PCNX2: variants seen among roughly 807,000 people sequenced by gnomAD.
PCNX2 encodes pecanex-like protein 2.
PCNX2 carries 168 observed loss-of-function variants against 223.8 expected under a neutral mutation model. That is an observed-to-expected ratio of 0.75 (90% CI 0.66 to 0.85). PCNX2 has a LOEUF of 0.85. PCNX2 is among the 40% of genes least tolerant of loss of function. The pLI is 0.00. For synonymous variants in PCNX2, 1,006 were observed against 1,052.6 expected (o/e 0.96, Z 0.86); for missense variants, 2,507 against 2,675.5 (o/e 0.94, Z 1.39).
At position 233,258,249 on chromosome 1, in the gene PCNX2, T is replaced by C. The variant is rs755772129; in HGVS notation, c.1613A>G (p.Asp538Gly). ...TGCAGAACTTTTACTCAAGAAGACA[T>C]CTGTCCCACTGTCCACACTGAGCAC... Reference protein sequence around the residue: ...ARVLSVDSGTDVFLSKSSAEI... With the variant: ...ARVLSVDSGTGVFLSKSSAEI... Residue 538 changes from aspartate to glycine, a missense_variant, in exon 5 of 34, where the codon GAT (aspartate) becomes GGT (glycine). Transcript: ENST00000258229. 6.2e-7 allele frequency: 1 copy of C among 1,614,002 alleles called. No homozygotes were observed. Among genetic ancestry groups the C allele is most frequent in the Non-Finnish European group, 8.5e-7 (1 of 1,179,884 alleles).
At chr1:233,018,010 T>G (rs1670745512) in intron 26 of PCNX2, among the ~76,000 whole-genome samples, 1 of 151,980 alleles carries the variant, frequency 6.6e-6, no homozygotes, top group African/African-American at 2.4e-5. Flanking sequence ...ATAACAGGGT[T>G]TTCAGTTTGT....
At position 233,241,483 on chromosome 1, in the gene PCNX2, A is replaced by C. The variant is rs1658761559; in HGVS notation, c.2223-4503T>G. The C allele has an allele frequency of 9.6e-6, 7 of 727,964 alleles. No individual in the cohort carries two copies. The African/African-American group carries it at 1.3e-4, about 14-fold the overall frequency. The allele number at this position is 727,964 out of a possible 1,614,324, so 45.1% of individuals were successfully genotyped here. On this transcript the variant is annotated intron_variant, in intron 8 of 33. Transcript: ENST00000258229. ...AGATAAGAATGACAGTGAAAGGAGCAAAGAGTAAAAAGTGAAAGCCAAAAA... is the reference window on the plus strand; with the variant it reads ...AGATAAGAATGACAGTGAAAGGAGCCAAGAGTAAAAAGTGAAAGCCAAAAA...
intron 32 of PCNX2, among the ~76,000 whole-genome samples, chr1:232,995,395 G>A (rs1330344288): frequency 1.3e-5 from 2 of 152,214 alleles, no homozygotes; most frequent in East Asian, 1.9e-4. Context: ...AAAGCCAGCG[G>A]TGGCCTTGGC....
At chr1:233,261,856 G>A (rs570698480) in intron 3 of PCNX2, among the ~76,000 whole-genome samples, 189 bp downstream of exon 3, 10 of 152,286 alleles carry the variant, frequency 6.6e-5, no homozygotes, top group Admixed American at 4.6e-4. Context: ...ACACGACTGG[G>A]CATTTATTTT....
At chr1:232,987,122 T>G (rs1255472915) in intron 32 of PCNX2, among the ~76,000 whole-genome samples, 1 of 152,210 alleles carries the variant, frequency 6.6e-6, no homozygotes, top group African/African-American at 2.4e-5. Context: ...CCGCAACTAC[T>G]GGCCAGGCCT....
chr1:233,169,579 A>G (rs368776145), intron 17 of PCNX2, among the ~76,000 whole-genome samples: 1,751 of 148,502 alleles, frequency 0.012, 21 homozygotes, highest in South Asian at 0.033. Flanking sequence ...CGGGAGGCGG[A>G]GCTTGCAGTG....
At chr1:233,232,422 G>A (rs1658120416) in intron 9 of PCNX2, among the ~76,000 whole-genome samples, 3 of 152,162 alleles carry the variant, frequency 2.0e-5, no homozygotes, top group South Asian at 2.1e-4. Context: ...TGTATTAAAT[G>A]CATTTTCAAC....
chr1:233,194,982 A>G (rs996946673), intron 15 of PCNX2, among the ~76,000 whole-genome samples: 5 of 146,604 alleles, frequency 3.4e-5, no homozygotes, highest in East Asian at 4.0e-4. Context: ...ACGCTGCCGC[A>G]CTCCAGCCTG....
intron 15 of PCNX2, among the ~76,000 whole-genome samples, chr1:233,183,149 A>C (rs1305785194): frequency 6.6e-6 from 1 of 152,178 alleles, no homozygotes; most frequent in Non-Finnish European, 1.5e-5. Context: ...ATGTTAGAAA[A>C]GACATTCTGG....
At chr1:233,266,068 T>C (rs947365024) in intron 1 of PCNX2, among the ~76,000 whole-genome samples, 1 of 152,302 alleles carries the variant, frequency 6.6e-6, no homozygotes, top group South Asian at 2.1e-4. Context: ...ACTTGGCACT[T>C]TGTCATATCT....
chr1:233,275,303 A>G (rs139492526), intron 1 of PCNX2, among the ~76,000 whole-genome samples: 68 of 152,082 alleles, frequency 4.5e-4, no homozygotes, highest in African/African-American at 1.6e-3. Context: ...CCTGCGTTCA[A>G]GTGATTCTCC....
intron 32 of PCNX2, among the ~76,000 whole-genome samples, chr1:232,993,089 G>A (rs1203292473): frequency 6.6e-6 from 1 of 152,212 alleles, no homozygotes; most frequent in Non-Finnish European, 1.5e-5. Context: ...TGAAAATGTG[G>A]AAGCAACTTT....
chr1:233,096,773 A>G (rs2102950211), intron 21 of PCNX2, among the ~76,000 whole-genome samples: 1 of 152,366 alleles, frequency 6.6e-6, no homozygotes, highest in African/African-American at 2.4e-5. Context: ...ATTAGGCTCA[A>G]TAGCCATTAT....
chr1:233,134,614 G>A (rs1456753797), intron 21 of PCNX2, among the ~76,000 whole-genome samples: 1 of 151,934 alleles, frequency 6.6e-6, no homozygotes, highest in Non-Finnish European at 1.5e-5. Flanking sequence ...AGGCAGGAAG[G>A]CAGGAAGGAA....
intron 8 of PCNX2, chr1:233,250,440 G>T: frequency 1.7e-6 from 1 of 594,346 alleles, no homozygotes; most frequent in Non-Finnish European, 2.1e-6. Flanking sequence ...ATGTGTTTGA[G>T]AGCTGTATCA....
intron 28 of PCNX2, among the ~76,000 whole-genome samples, chr1:233,007,495 A>T (rs1269130004): frequency 6.6e-6 from 1 of 152,096 alleles, no homozygotes; most frequent in East Asian, 1.9e-4. Flanking sequence ...TCTAGCAAAC[A>T]TGGAGTTGCT....
chr1:233,019,052 A>G (rs1426760836), intron 26 of PCNX2: 1 of 985,142 alleles, frequency 1.0e-6, no homozygotes, highest in Non-Finnish European at 1.2e-6. Context: ...CCCAGAGCTC[A>G]AGGCCTCAAG....
intron 18 of PCNX2, among the ~76,000 whole-genome samples, chr1:233,161,041 T>A (rs924749822): frequency 1.3e-5 from 2 of 152,182 alleles, no homozygotes; most frequent in Non-Finnish European, 2.9e-5. Context: ...GCTCCCCAGA[T>A]GCAGGAAAGG....
chr1:233,097,539 A>G (rs1052031221), intron 21 of PCNX2, among the ~76,000 whole-genome samples: 10 of 152,196 alleles, frequency 6.6e-5, no homozygotes, highest in African/African-American at 9.6e-5. Flanking sequence ...AAGATCTTTC[A>G]GAAAGGCCAC....
Sources: gnomAD v4.1 joint callset for allele counts (sites outside exome capture counted in the v4.1 genomes callset) on GRCh38, gnomAD v4.1.1 for gene constraint, MANE v1.5 for transcripts, NCBI Gene and HGNC (gene_info 2026-07-23, HGNC 2026-07-21) for gene names.